Variants in CYP4F11 observed in about 807,000 individuals in gnomAD.
The protein encoded by CYP4F11 is cytochrome P450 4F11.
CYP4F11 carries 79 observed loss-of-function variants against 62.2 expected under a neutral mutation model. That is an observed-to-expected ratio of 1.27 (90% CI 1.06 to 1.53). The LOEUF (loss-of-function observed/expected upper bound fraction) is 1.53. Among genes scored for constraint, CYP4F11 ranks in the 40% most tolerant of loss-of-function variants. The probability of loss-of-function intolerance (pLI) is 0.00; values close to 1 mark genes in which losing one functional copy is unlikely to be tolerated. For synonymous variants in CYP4F11, 290 were observed against 263.7 expected (o/e 1.10, Z -0.97); for missense variants, 777 against 680.5 (o/e 1.14, Z -1.58).
chr19:15,925,979 A>G (rs1599377875), intron 4 of CYP4F11, among the ~76,000 whole-genome samples: 1 of 151,894 alleles, frequency 6.6e-6, no homozygotes, highest in Admixed American at 6.6e-5. Context: ...CCTGGCTAAC[A>G]TGGTGAAACC....
Position 15,934,474 on chromosome 19 carries a change from G to C in CYP4F11, c.-66C>G. 1 of 1,573,310 alleles carries C rather than the reference G, an allele frequency of 6.4e-7. No individual in the cohort carries two copies. Among genetic ancestry groups the C allele is most frequent in the Non-Finnish European group, 8.6e-7 (1 of 1,163,646 alleles). On this transcript the variant is annotated 5_prime_UTR_variant, in exon 1 of 12. Transcript: ENST00000402119. Reference sequence around the variant, plus strand: ...CAGGGAAGGGCCCAGGAAGCTCCAAGGACAGTGGAAAGGGGCAAGGATGGG... The same window carrying C: ...CAGGGAAGGGCCCAGGAAGCTCCAACGACAGTGGAAAGGGGCAAGGATGGG...
At chr19:15,929,661 A>G in intron 1 of CYP4F11, 60 bp from the exon 2 acceptor site, 1 of 1,522,940 alleles carries the variant, frequency 6.6e-7, no homozygotes, top group Admixed American at 2.2e-5. Context: ...ATCCTGAATT[A>G]ATCATGAATT....
At chr19:15,929,882 T>A (rs2145056272) in intron 1 of CYP4F11, among the ~76,000 whole-genome samples, 1 of 152,296 alleles carries the variant, frequency 6.6e-6, no homozygotes, top group Middle Eastern at 3.4e-3. Flanking sequence ...GATGTGCTCA[T>A]CCATCTGCTC....
rs7247076 is a variant in CYP4F11, at chr19:15,929,651, A to G, written c.199-50T>C. ...GCCCTTGTGATGGTTAATTCTAGGC[A>G]TCCTGAATTAATCATGAATTCCACG... On this transcript the variant is annotated intron_variant, in intron 1 of 11. Transcript: ENST00000402119. 4.6e-3 allele frequency: 7,073 copies of G among 1,525,858 alleles called. 246 individuals are homozygous for G. The African/African-American group carries it at 0.083, about 18-fold the overall frequency. 94.5% of individuals were successfully genotyped at this position (1,525,858 alleles called of 1,614,324 possible).
Position 15,913,847 on chromosome 19 carries a change from A to C in CYP4F11, c.1460T>G (p.Leu487Arg). Reference protein sequence around the residue: ...EMKVVLALTLLHFRILPTHTE... With the variant: ...EMKVVLALTLRHFRILPTHTE... ...GTGGGTCGGCAGGATGCGGAAGTGC[A>C]GCAGGGTGAGCGCCAGGACCACCTT... Residue 487 changes from leucine to arginine, a missense_variant, in exon 12 of 12, where the codon CTG (leucine) becomes CGG (arginine). Physicochemically the swap from Leu to Arg is moderately radical, Grantham distance 102 (BLOSUM62 -2). Coordinates refer to ENST00000402119, the MANE Select transcript of CYP4F11 (RefSeq NM_021187.4). The C allele has an allele frequency of 3.7e-6, 6 of 1,614,132 alleles. No individual in the cohort carries two copies. Among genetic ancestry groups the C allele is most frequent in the Non-Finnish European group, 5.1e-6 (6 of 1,180,002 alleles).
intron 4 of CYP4F11, among the ~76,000 whole-genome samples, 191 bp downstream of exon 4, chr19:15,927,021 T>C (rs991982245): frequency 6.6e-6 from 1 of 152,228 alleles, no homozygotes; most frequent in African/African-American, 2.4e-5. Flanking sequence ...TGAGACATAC[T>C]ATGTGCTGGG....
chr19:15,924,745 CT>C lies in CYP4F11; in HGVS notation c.647+15del. The C allele has an allele frequency of 6.2e-7, 1 of 1,606,018 alleles. No homozygotes were observed. The highest frequency in any genetic ancestry group is 8.5e-7 in the Non-Finnish European group (1 of 1,174,834). On this transcript the variant is annotated intron_variant, in intron 5 of 11. Transcript: ENST00000402119. ...GGTTCCAGGCCCAAGTTCTCAGGTCCTAGGAAAGGACTCACTCCTGACAATT... is the reference window on the plus strand; with the variant it reads ...GGTTCCAGGCCCAAGTTCTCAGGTCCAGGAAAGGACTCACTCCTGACAATT...
rs369485080 is a variant in CYP4F11 at position 15,927,112 on chromosome 19, G to A, written c.525+100C>T. 102 of 1,356,360 alleles carry A rather than the reference G, an allele frequency of 7.5e-5. No homozygotes were observed. In the East Asian group the frequency reaches 9.3e-4, roughly 12 times the overall value. The allele number at this position is 1,356,360 out of a possible 1,614,324, so 84.0% of individuals were successfully genotyped here. A position where few individuals can be genotyped will look rare whatever the true frequency, so the allele number is the denominator to read the frequency against. On this transcript the variant is annotated intron_variant, in intron 4 of 11. Coordinates refer to ENST00000402119, the MANE Select transcript of CYP4F11 (RefSeq NM_021187.4). Reference sequence around the variant, plus strand: ...AGGGAAACCAAGGCTCAGAGAGGAAGAGCATTGTCCCCAAAGCACAACCAA... The same window carrying A: ...AGGGAAACCAAGGCTCAGAGAGGAAAAGCATTGTCCCCAAAGCACAACCAA...
At chr19:15,918,682 G>A (rs555826864) in intron 8 of CYP4F11, among the ~76,000 whole-genome samples, 1 of 152,200 alleles carries the variant, frequency 6.6e-6, no homozygotes, top group Admixed American at 6.5e-5. Context: ...TCTGAAACAA[G>A]CTAAATATAC....
At chr19:15,927,122 C>T (rs2089674643) in intron 4 of CYP4F11, 90 bp downstream of exon 4, 2 of 1,471,978 alleles carry the variant, frequency 1.4e-6, no homozygotes, top group Admixed American at 2.0e-5. Flanking sequence ...GAGCATTGTC[C>T]CCAAAGCACA....
chr19:15,921,565 A>G (rs927304208), intron 8 of CYP4F11, among the ~76,000 whole-genome samples: 1 of 152,236 alleles, frequency 6.6e-6, no homozygotes, highest in African/African-American at 2.4e-5. Flanking sequence ...GGGGATAGGA[A>G]TACAGTGTAG....
At chr19:15,931,674 GAGTGAGCGAGGAGAGGAA>G in intron 1 of CYP4F11, among the ~76,000 whole-genome samples, 1 of 65,274 alleles carries the variant, frequency 1.5e-5, no homozygotes, top group Non-Finnish European at 2.8e-5. Flanking sequence ...GGAGAGGAAT[GAGTGAGCGAGGAGAGGAA>G]TGAGTGAGCG....
chr19:15,917,749 A>G (rs1042049665), intron 8 of CYP4F11, among the ~76,000 whole-genome samples: 3 of 152,206 alleles, frequency 2.0e-5, no homozygotes, highest in Non-Finnish European at 4.4e-5. Flanking sequence ...AACCCAAAGG[A>G]AAACAGCAAT....
chr19:15,924,047 A>G lies in CYP4F11; in HGVS notation c.683T>C (p.Leu228Pro), dbSNP rs1185640899. Reference sequence around the variant, plus strand: ...GTTTCTCTTTTCTACAAAGGCACTGAGCTCCAAGATGGCGGCAATATATTC... The same window carrying G: ...GTTTCTCTTTTCTACAAAGGCACTGGGCTCCAAGATGGCGGCAATATATTC... The part of the protein sequence containing the change: ...PSEYIAAILE[L>P]SAFVEKRNQQ... Residue 228 changes from leucine (L) to proline (P), a missense_variant, in exon 6 of 12, where the codon CTC becomes CCC. Leu to Pro is a moderately conservative substitution (Grantham distance 98). Coordinates refer to ENST00000402119, the MANE Select transcript of CYP4F11 (RefSeq NM_021187.4). The G allele has an allele frequency of 6.2e-7, 1 of 1,614,034 alleles. No individual in the cohort carries two copies. The highest frequency in any genetic ancestry group is 1.3e-5 in the African/African-American group (1 of 74,930).
chr19:15,922,038 A>G lies in CYP4F11; in HGVS notation c.1114T>C (p.Trp372Arg), dbSNP rs1490310141. ...GAACAGGCCAGCACCTGCACTCACC[A>G]TTCAATCTCTATAGGTTCACGGTCC... is the stretch of plus-strand genomic sequence containing the variant. The part of the protein sequence containing the change: ...LKDREPIEIE[W>R]DDLAQLPFLT... Residue 372 changes from tryptophan (W) to arginine (R), a missense_variant and splice_region_variant, in exon 8 of 12, where the codon TGG (tryptophan) becomes CGG (arginine). By Grantham distance (101) the Trp-to-Arg change is moderately radical (BLOSUM62 -3). Transcript: ENST00000402119. The G allele has an allele frequency of 1.9e-6, 3 of 1,602,608 alleles. No homozygotes were observed. Among genetic ancestry groups the G allele is most frequent in the South Asian group, 1.1e-5 (1 of 88,844 alleles).
rs1277415244 is a variant in CYP4F11, at chr19:15,913,658, A to G, written c.*74T>C. The G allele has an allele frequency of 4.4e-6, 7 of 1,579,928 alleles. No homozygotes were observed. Among genetic ancestry groups the G allele is most frequent in the Non-Finnish European group, 6.1e-6 (7 of 1,155,658 alleles). ...CCCAGGAGCCCCATGCTGGCTGTCA[A>G]CGAGGCTCAAGCAGAGGTGTCAGCA... On this transcript the variant is annotated 3_prime_UTR_variant, in exon 12 of 12. Transcript: ENST00000402119.
chr19:15,916,006 A>T (rs1302463712), intron 8 of CYP4F11, among the ~76,000 whole-genome samples: 1 of 152,082 alleles, frequency 6.6e-6, no homozygotes, highest in Non-Finnish European at 1.5e-5. Flanking sequence ...ATTTCCCTCT[A>T]TCTGAATAAA....
chr19:15,914,460 AC>A, intron 10 of CYP4F11, 73 bp from the exon 11 acceptor site: 4 of 1,553,668 alleles, frequency 2.6e-6, no homozygotes, highest in East Asian at 2.2e-5. Context: ...TGTCTCCAAG[AC>A]CCCCGGCCTT....
rs2305801 is a variant in CYP4F11 at position 15,934,331 on chromosome 19, T to C, written c.78A>G (p.Gly26=). ...GGACGCGGGCCAGGAGCCAGGAGCC[T>C]CCAACCAGCAGCAGAAGCAGCCACG... ...ASPWLLLLLV[G]GSWLLARVLA... Residue 26 remains glycine (G), a synonymous_variant, in exon 1 of 12, where the codon GGA becomes GGG. Transcript: ENST00000402119. The C allele has an allele frequency of 0.8, 1,297,325 of 1,613,398 alleles. 525,127 individuals carry two copies. The highest frequency in any genetic ancestry group is 0.99 in the East Asian group (44,508 of 44,834).
Sources: allele counts gnomAD v4.1 joint callset (sites outside exome capture counted in the v4.1 genomes callset), GRCh38; gene constraint gnomAD v4.1.1; transcripts MANE v1.5; gene names NCBI Gene and HGNC (gene_info 2026-07-23, HGNC 2026-07-21).